Variants in EPG5 observed in about 807,000 individuals in gnomAD.
EPG5 encodes ectopic P-granules 5 autophagy tethering factor, also known as ectopic P granules protein 5 homolog.
A neutral mutation model predicts 302.7 loss-of-function variants in EPG5; 159 were observed. The observed-to-expected ratio is 0.53, with a 90% confidence interval of 0.46 to 0.60. The LOEUF (loss-of-function observed/expected upper bound fraction) is 0.60, where lower values mean the gene tolerates loss of function less well. Ranked by LOEUF, EPG5 falls within the 20% of genes least tolerant of loss-of-function variation. EPG5 has a pLI of 0.00. For synonymous variants in EPG5, 1,158 were observed against 1,136.8 expected, an observed-to-expected ratio of 1.02 and a Z score of -0.37; for missense variants, 2,896 against 3,092.4, an observed-to-expected ratio of 0.94 and a Z score of 1.51.
chr18:45,831,132 C>T, the EPG5 span, among the ~76,000 whole-genome samples: 4 of 152,192 alleles, frequency 2.6e-5, no homozygotes, highest in South Asian at 2.1e-4. Flanking sequence ...CTCTGAGGGG[C>T]ATGCCACCAA....
intron 10 of EPG5, among the ~76,000 whole-genome samples, chr18:45,935,190 G>A (rs1423849083): frequency 2.6e-5 from 4 of 152,222 alleles, no homozygotes; most frequent in African/African-American, 9.6e-5. Flanking sequence ...GTGCATGTGT[G>A]TGTGTATACA....
At chr18:45,877,095 T>C (rs1001473287) in intron 34 of EPG5, among the ~76,000 whole-genome samples, 2 of 152,122 alleles carry the variant, frequency 1.3e-5, no homozygotes, top group African/African-American at 4.8e-5. Context: ...AGAGAAATTC[T>C]TTATATGAAA....
At chr18:45,888,835 A>T (rs926751685) in intron 28 of EPG5, among the ~76,000 whole-genome samples, 4 of 152,186 alleles carry the variant, frequency 2.6e-5, no homozygotes, top group Non-Finnish European at 4.4e-5. Flanking sequence ...AAAAATGTTC[A>T]TATTTTGCAT....
At chr18:45,834,203 C>T in the EPG5 span, among the ~76,000 whole-genome samples, 1 of 152,224 alleles carries the variant, frequency 6.6e-6, no homozygotes, top group Non-Finnish European at 1.5e-5. Context: ...TACACCCCTA[C>T]TCTAACCACC....
chr18:45,928,161 C>A (rs939010206), intron 13 of EPG5, among the ~76,000 whole-genome samples: 1 of 150,954 alleles, frequency 6.6e-6, no homozygotes, highest in African/African-American at 2.4e-5. Context: ...TGCAGTGAGC[C>A]GAGATTGAGC....
chr18:45,830,143 G>A, the EPG5 span, among the ~76,000 whole-genome samples: 1 of 152,246 alleles, frequency 6.6e-6, no homozygotes, highest in African/African-American at 2.4e-5. Context: ...CTACACAGAG[G>A]TTCCCGTGCA....
At chr18:45,950,593 T>G (rs1007445676) in intron 4 of EPG5, among the ~76,000 whole-genome samples, 1 of 152,228 alleles carries the variant, frequency 6.6e-6, no homozygotes, top group Non-Finnish European at 1.5e-5. Context: ...GGTATGTCTT[T>G]ATCAGCAGCA....
intron 1 of EPG5, among the ~76,000 whole-genome samples, chr18:45,961,133 C>A (rs960457080): frequency 6.6e-6 from 1 of 152,192 alleles, no homozygotes; most frequent in Admixed American, 6.5e-5. Context: ...CTCTGACAAT[C>A]CTGGCCCAAG....
At chr18:45,818,935 T>C in the EPG5 span, among the ~76,000 whole-genome samples, 2 of 152,128 alleles carry the variant, frequency 1.3e-5, no homozygotes, top group South Asian at 2.1e-4. Flanking sequence ...GGTTTCACCA[T>C]GTTGGCCAGG....
chr18:45,915,466 A>G lies in EPG5; in HGVS notation c.3693+45T>C, dbSNP rs760005354. ...TCTTTGTAAGGATGATCATGAGATT[A>G]AAGTTCACAAAGATAACAAATGATC... On this transcript the variant is annotated intron_variant, in intron 20 of 43. Coordinates refer to ENST00000282041, the MANE Select transcript of EPG5 (RefSeq NM_020964.3). 2.3e-6 allele frequency: 3 copies of G among 1,330,786 alleles called. No homozygotes were observed. In the Admixed American group the frequency reaches 5.3e-5, roughly 24 times the overall value. The allele number at this position is 1,330,786 out of a possible 1,614,324, so 82.4% of individuals were successfully genotyped here. A position where few individuals can be genotyped will look rare whatever the true frequency, so the allele number is the denominator to read the frequency against.
intron 34 of EPG5, among the ~76,000 whole-genome samples, chr18:45,877,647 T>C (rs145704083): frequency 9.8e-4 from 149 of 152,306 alleles, no homozygotes; most frequent in African/African-American, 3.4e-3. Context: ...TAAAGCATCA[T>C]GGGTTAATGC....
At chr18:45,937,427 GAC>G (rs2145866486) in intron 10 of EPG5, among the ~76,000 whole-genome samples, 1 of 151,364 alleles carries the variant, frequency 6.6e-6, no homozygotes, top group Admixed American at 6.6e-5. Context: ...TATATTTTGA[GAC>G]AGAGTCTTGC....
chr18:45,965,059 C>T (rs1408598377), intron 1 of EPG5, among the ~76,000 whole-genome samples: 1 of 152,084 alleles, frequency 6.6e-6, no homozygotes, highest in African/African-American at 2.4e-5. Flanking sequence ...CCACTACAGC[C>T]GTTTAAAAAG....
At chr18:45,871,491 C>T (rs746090525) in intron 35 of EPG5, among the ~76,000 whole-genome samples, 1 of 152,200 alleles carries the variant, frequency 6.6e-6, no homozygotes, top group Non-Finnish European at 1.5e-5. Context: ...ATGTTCACTG[C>T]AGCATTATTC....
chr18:45,925,258 G>A (rs540204571), intron 14 of EPG5, among the ~76,000 whole-genome samples: 13 of 152,178 alleles, frequency 8.5e-5, no homozygotes, highest in Admixed American at 2.0e-4. Flanking sequence ...GATCACTTGA[G>A]GTCAGGAGTT....
Position 45,847,748 on chromosome 18 carries a change from GCA to G in EPG5, c.*4717_*4718del, listed in dbSNP as rs1457671630. 1 of 152,354 alleles carries G rather than the reference GCA, an allele frequency of 6.6e-6. No individual in the cohort carries two copies. The highest frequency in any genetic ancestry group is 1.5e-5 in the Non-Finnish European group (1 of 68,032). 9.4% of individuals were successfully genotyped at this position (152,354 alleles called of 1,614,324 possible). Reference sequence around the variant, plus strand: ...GAACAATGAATAAGTAGTGAATATTGCACATTTAATGTCCAAAATAAAGTTGT... The same window carrying G: ...GAACAATGAATAAGTAGTGAATATTGCATTTAATGTCCAAAATAAAGTTGT... On this transcript the variant is annotated 3_prime_UTR_variant, in exon 44 of 44. Transcript: ENST00000282041.
intron 25 of EPG5, among the ~76,000 whole-genome samples, chr18:45,903,429 G>A (rs929000920): frequency 1.3e-5 from 2 of 152,038 alleles, no homozygotes; most frequent in East Asian, 3.8e-4. Flanking sequence ...TGGCAAGCTG[G>A]AATAAGAAGG....
At chr18:45,862,208 T>C (rs1327055330) in intron 39 of EPG5, among the ~76,000 whole-genome samples, 1 of 152,196 alleles carries the variant, frequency 6.6e-6, no homozygotes, top group Admixed American at 6.5e-5. Context: ...ACAGTCAGAT[T>C]TCATTTAGAT....
intron 39 of EPG5, among the ~76,000 whole-genome samples, chr18:45,861,865 TCA>T (rs561959195): frequency 1.5e-3 from 229 of 152,300 alleles, no homozygotes; most frequent in African/African-American, 5.3e-3. Context: ...TCTTAGTCAT[TCA>T]CAGTTATTAT....
Sources: gnomAD v4.1 joint callset for allele counts (sites outside exome capture counted in the v4.1 genomes callset) on GRCh38, gnomAD v4.1.1 for gene constraint, MANE v1.5 for transcripts, NCBI Gene and HGNC (gene_info 2026-07-23, HGNC 2026-07-21) for gene names.